The following SAXO2 variants were observed in gnomAD, a reference collection of about 807,000 sequenced individuals.
SAXO2 encodes the protein family with sequence similarity 154, member B.
Under a neutral mutation model 18.7 loss-of-function variants are expected in SAXO2, and 17 were observed. That is an observed-to-expected ratio of 0.91 (90% confidence interval 0.62 to 1.36). The LOEUF (loss-of-function observed/expected upper bound fraction) is 1.36. Among genes scored for constraint, SAXO2 ranks in the 40% most tolerant of loss-of-function variants. The pLI, the probability that SAXO2 is intolerant of heterozygous loss-of-function variation, is 0.00. For missense variants in SAXO2, 486 were observed against 562.6 expected, an observed-to-expected ratio of 0.86 and a Z score of 1.38; for synonymous variants, 163 against 181.2, an observed-to-expected ratio of 0.90 and a Z score of 0.81.
At chr15:82,263,223 A>G (rs1596021256) in intron 1 of SAXO2, 1 of 1,465,082 alleles carries the variant, frequency 6.8e-7, no homozygotes, top group East Asian at 2.5e-5. Context: ...ACGGGATATA[A>G]CGCTGGTGAG....
chr15:82,276,328 AT>A (rs1013930792), intron 3 of SAXO2, among the ~76,000 whole-genome samples: 1 of 144,380 alleles, frequency 6.9e-6, no homozygotes, highest in Admixed American at 6.8e-5. Context: ...TACCAATATC[AT>A]TTTTTTGCAG....
chr15:82,280,812 G>C (rs1196988507), intron 3 of SAXO2, among the ~76,000 whole-genome samples: 5 of 152,134 alleles, frequency 3.3e-5, no homozygotes, highest in Admixed American at 1.3e-4. Flanking sequence ...TTCAATTTTA[G>C]GTTTACAAGA....
rs2075342347 is a variant in SAXO2, at chr15:82,279,318, A to C, written c.434-2801A>C. Among the ~76,000 whole-genome samples, 3 of 152,190 alleles carry C rather than the reference A, an allele frequency of 2.0e-5. 1 individual carries two copies. Among genetic ancestry groups the C allele is most frequent in the Non-Finnish European group, 4.4e-5 (3 of 68,030 alleles). On this transcript the variant is annotated intron_variant, in intron 3 of 3. Transcript: ENST00000682753. Reference sequence around the variant, plus strand: ...CAAGAAGGAAGACATTAATATTTAGAAGGTAATATCAACAGTATTTGAAAA... The same window carrying C: ...CAAGAAGGAAGACATTAATATTTAGCAGGTAATATCAACAGTATTTGAAAA...
chr15:82,263,202 G>T lies in SAXO2; in HGVS notation c.53+270G>T. 2.7e-6 allele frequency: 4 copies of T among 1,456,422 alleles called. No individual in the cohort carries two copies. The South Asian group carries it at 5.7e-5, about 21-fold the overall frequency. The allele number at this position is 1,456,422 out of a possible 1,614,324, so 90.2% of individuals were successfully genotyped here. ...CACCCGGGCCAGGTAAGTAATATAT[G>T]TGAAGCCGCGACGGGATATAACGCT... On this transcript the variant is annotated intron_variant, in intron 1 of 3. Coordinates refer to ENST00000682753, the MANE Select transcript of SAXO2 (RefSeq NM_001348699.2).
chr15:82,265,393 T>C (rs2075206958), intron 1 of SAXO2, among the ~76,000 whole-genome samples, 176 bp from the exon 2 acceptor site: 1 of 152,152 alleles, frequency 6.6e-6, no homozygotes, highest in South Asian at 2.1e-4. Context: ...CCGCCTGCCT[T>C]GGCCTCCCAA....
chr15:82,265,808 A>T, intron 2 of SAXO2, 60 bp downstream of exon 2: 1 of 1,317,560 alleles, frequency 7.6e-7, no homozygotes, highest in South Asian at 1.5e-5. Flanking sequence ...TGGTGTCAAT[A>T]AAGTTTTCTA....
intron 3 of SAXO2, among the ~76,000 whole-genome samples, chr15:82,273,018 G>A (rs1374677025): frequency 1.3e-5 from 2 of 150,874 alleles, no homozygotes; most frequent in Non-Finnish European, 2.9e-5. Flanking sequence ...CAAGTCTCCT[G>A]TCTCAGCCTC....
In SAXO2 at chr15:82,282,341, A is replaced by G; in HGVS notation, c.656A>G (p.Gln219Arg). The change falls in exon 4 of 4, where the codon CAG (glutamine) becomes CGG (arginine). Residue 219 changes from glutamine (Q) to arginine (R), a missense_variant. By Grantham distance (43) the Gln-to-Arg change is conservative (BLOSUM62 1). Coordinates refer to ENST00000682753, the MANE Select transcript of SAXO2 (RefSeq NM_001348699.2). ...TSHRLDYIPHQLELKFERPKE... is the reference protein window; with the variant it reads ...TSHRLDYIPHRLELKFERPKE... ...CATCGCCTTGATTATATACCTCATC[A>G]GCTTGAACTCAAGTTTGAAAGGCCA... The G allele has an allele frequency of 6.2e-7, 1 of 1,614,198 alleles. No homozygotes were observed. The highest frequency in any genetic ancestry group is 8.5e-7 in the Non-Finnish European group (1 of 1,180,036).
chr15:82,263,734 T>C (rs1413551349), intron 1 of SAXO2, among the ~76,000 whole-genome samples: 1 of 152,236 alleles, frequency 6.6e-6, no homozygotes, highest in African/African-American at 2.4e-5. Flanking sequence ...GTATGAATCC[T>C]CAGACTGGTG....
At chr15:82,282,046 C>A in intron 3 of SAXO2, 73 bp from the exon 4 acceptor site, 2 of 1,204,656 alleles carry the variant, frequency 1.7e-6, no homozygotes, top group Non-Finnish European at 2.3e-6. Context: ...TGAGAGAAGT[C>A]AGTTATGATT....
At chr15:82,278,549 AATG>A (rs370929263) in intron 3 of SAXO2, among the ~76,000 whole-genome samples, 166 of 152,362 alleles carry the variant, frequency 1.1e-3, no homozygotes, top group African/African-American at 3.8e-3. Context: ...CACTATCAAC[AATG>A]TTGTCCAAAT....
At position 82,262,922 on chromosome 15, in the gene SAXO2, T is replaced by G. The variant is rs202188972; in HGVS notation, c.43T>G (p.Cys15Gly). 37 of 1,604,910 alleles carry G rather than the reference T, an allele frequency of 2.3e-5. No individual in the cohort carries two copies. The East Asian group carries it at 7.7e-4, about 33-fold the overall frequency. Residue 15 changes from cysteine to glycine, a missense_variant, in exon 1 of 4, where the codon TGT (cysteine) becomes GGT (glycine). Coordinates refer to ENST00000682753, the MANE Select transcript of SAXO2 (RefSeq NM_001348699.2). ...GAGGAGCTGGTGTCTGTGTCAGATT[T>G]GTAGCTGCGGGTAAGAAACGGCTGG... Reference protein sequence around the residue: ...SMRSWCLCQICSCGRHHCPRG... With the variant: ...SMRSWCLCQIGSCGRHHCPRG...
chr15:82,282,809 G>A lies in SAXO2; in HGVS notation c.1124G>A (p.Gly375Asp). ...QIPNPSGKFD[G>D]LSTFRSHYVP... ...CCCAACCCATCTGGAAAATTTGATGGTTTGAGCACTTTCAGATCTCACTAT... is the reference window on the plus strand; with the variant it reads ...CCCAACCCATCTGGAAAATTTGATGATTTGAGCACTTTCAGATCTCACTAT... The change falls in exon 4 of 4, where the codon GGT (glycine) becomes GAT (aspartate). Residue 375 changes from glycine to aspartate, a missense_variant. Transcript: ENST00000682753. 1 of 1,614,028 alleles carries A rather than the reference G, an allele frequency of 6.2e-7. No individual in the cohort carries two copies. The highest frequency in any genetic ancestry group is 8.5e-7 in the Non-Finnish European group (1 of 1,179,966).
chr15:82,263,453 C>A (rs1470235853), intron 1 of SAXO2: 7 of 702,696 alleles, frequency 1.0e-5, no homozygotes, highest in Admixed American at 4.0e-5. Flanking sequence ...GTAGTCCCTA[C>A]CCTGAAATCT....
chr15:82,276,794 A>G (rs2075319150), intron 3 of SAXO2, among the ~76,000 whole-genome samples: 1 of 152,228 alleles, frequency 6.6e-6, no homozygotes, highest in Non-Finnish European at 1.5e-5. Context: ...AGACAAAAAA[A>G]GAAAAAGCTG....
At chr15:82,265,496 A>T in intron 1 of SAXO2, 73 bp from the exon 2 acceptor site, 1 of 1,101,840 alleles carries the variant, frequency 9.1e-7, no homozygotes, top group Non-Finnish European at 1.2e-6. Flanking sequence ...AGTTTATTAG[A>T]GGTCTCTGAT....
intron 2 of SAXO2, among the ~76,000 whole-genome samples, chr15:82,269,594 A>C (rs187764568): frequency 6.6e-6 from 1 of 152,146 alleles, no homozygotes; most frequent in Admixed American, 6.5e-5. Context: ...TGGAGGGTGG[A>C]GGGTGGACTT....
intron 1 of SAXO2, among the ~76,000 whole-genome samples, chr15:82,265,205 A>G (rs1433635830): frequency 6.6e-6 from 1 of 152,138 alleles, no homozygotes; most frequent in Non-Finnish European, 1.5e-5. Context: ...CAGTGGCAGG[A>G]TCTTGGCTCA....
chr15:82,283,600 C>G lies in SAXO2; in HGVS notation c.*538C>G, dbSNP rs1346542122. ...ACCATGTTCAAGTTAGCAAGAGGCA[C>G]TGTGGTGTGGCAAGGAAAGGCTCTG... On this transcript the variant is annotated 3_prime_UTR_variant, in exon 4 of 4. Transcript: ENST00000682753. 1 of 152,448 alleles carries G rather than the reference C, an allele frequency of 6.6e-6. No individual in the cohort carries two copies. The highest frequency in any genetic ancestry group is 1.5e-5 in the Non-Finnish European group (1 of 68,254). The allele number at this position is 152,448 out of a possible 1,614,324, so 9.4% of individuals were successfully genotyped here. A position where few individuals can be genotyped will look rare whatever the true frequency, so the allele number is the denominator to read the frequency against.
Sources: allele counts gnomAD v4.1 joint callset (sites outside exome capture counted in the v4.1 genomes callset), GRCh38; gene constraint gnomAD v4.1.1; transcripts MANE v1.5; gene names NCBI Gene and HGNC (gene_info 2026-07-23, HGNC 2026-07-21).